PKN3: variants seen among roughly 807,000 people sequenced by gnomAD.
The protein encoded by PKN3 is serine/threonine-protein kinase N3.
In PKN3, 91 loss-of-function variants were observed where a neutral mutation model predicts 113.1. That is an observed-to-expected ratio of 0.80 (90% CI 0.68 to 0.96). The LOEUF is 0.96. Among genes scored for constraint, PKN3 ranks in the 40% least tolerant of loss-of-function variants. PKN3 has a pLI of 0.00. For synonymous variants in PKN3, 467 were observed against 499.0 expected, an observed-to-expected ratio of 0.94 and a Z score of 0.85; for missense variants, 1,052 against 1,202.2, an observed-to-expected ratio of 0.88 and a Z score of 1.85.
chr9:128,713,921 G>A, intron 9 of PKN3, 125 bp from the exon 10 acceptor site: 1 of 953,462 alleles, frequency 1.0e-6, no homozygotes, highest in Non-Finnish European at 1.7e-6. Context: ...CTGTTTCTCT[G>A]GGTCTTTCTG....
At chr9:128,703,839 C>G (rs1861927050) in intron 1 of PKN3, 3 of 985,338 alleles carry the variant, frequency 3.0e-6, no homozygotes, top group Non-Finnish European at 3.6e-6. Flanking sequence ...TCCGCCTGTT[C>G]CAGACGTAGC....
Position 128,713,066 on chromosome 9 carries a change from C to G in PKN3, c.850C>G (p.Arg284Gly). ...TCTCCCCACAGGGACACTGCAGGTC[C>G]GCCTCCTGGGCTGTGAACAGTTGCT... ...PTALTGTLQVRLLGCEQLLTA... is the reference protein window; with the variant it reads ...PTALTGTLQVGLLGCEQLLTA... The change falls in exon 7 of 22, where the codon CGC becomes GGC. Residue 284 changes from arginine (R) to glycine (G), a missense_variant. Physicochemically the swap from Arg to Gly is moderately radical, Grantham distance 125. Around this residue, in one of 2 missense-constraint regions of PKN3, gnomAD observed 719 missense variants for 759.4 expected, o/e 0.95. Transcript: ENST00000291906. 6.2e-7 allele frequency: 1 copy of G among 1,607,914 alleles called. No homozygotes were observed.
intron 6 of PKN3, among the ~76,000 whole-genome samples, chr9:128,707,957 G>A (rs1862068337): frequency 6.6e-6 from 1 of 150,788 alleles, no homozygotes; most frequent in Non-Finnish European, 1.5e-5. Flanking sequence ...CTGTAATCCT[G>A]GTTGCTCAGG....
At chr9:128,703,423 A>G (rs7868464) in intron 1 of PKN3, 981,293 of 985,356 alleles carry the variant, frequency 1, 488,734 homozygotes, top group East Asian at 1. Context: ...AGGGGAGCGT[A>G]GATGAGAGGG....
rs547686361 is a variant in PKN3, at chr9:128,712,920, T to C, written c.836-132T>C. Reference sequence around the variant, plus strand: ...AGTGAGGTTCCTCAGGTAACTGCCCTGGCCTCAGGTGGGTACGGTCTGGGT... The same window carrying C: ...AGTGAGGTTCCTCAGGTAACTGCCCCGGCCTCAGGTGGGTACGGTCTGGGT... On this transcript the variant is annotated intron_variant, in intron 6 of 21. Coordinates refer to ENST00000291906, the MANE Select transcript of PKN3 (RefSeq NM_013355.5). The C allele has an allele frequency of 4.4e-6, 4 of 914,368 alleles. No homozygotes were observed. The Admixed American group carries it at 9.6e-5, about 22-fold the overall frequency. The allele number at this position is 914,368 out of a possible 1,614,324, so 56.6% of individuals were successfully genotyped here.
intron 6 of PKN3, among the ~76,000 whole-genome samples, chr9:128,711,598 T>G (rs1490762134): frequency 1.3e-5 from 2 of 149,862 alleles, no homozygotes; most frequent in Non-Finnish European, 3.0e-5. Flanking sequence ...ACGCCCGGCC[T>G]TTTTTTTGGG....
chr9:128,703,750 C>G (rs145961190), intron 1 of PKN3: 7 of 985,310 alleles, frequency 7.1e-6, no homozygotes, highest in Non-Finnish European at 8.4e-6. Flanking sequence ...ACTCCTTGAG[C>G]GCCCAAGCCA....
chr9:128,711,718 C>T (rs374826210), intron 6 of PKN3, among the ~76,000 whole-genome samples: 1 of 151,708 alleles, frequency 6.6e-6, no homozygotes, highest in African/African-American at 2.4e-5. Context: ...CCTGCCTCAG[C>T]CTCCCAAGTA....
intron 1 of PKN3, chr9:128,703,806 C>A: frequency 1.0e-6 from 1 of 985,438 alleles, no homozygotes; most frequent in Non-Finnish European, 1.2e-6. Flanking sequence ...TGCCCCCTCC[C>A]ACCCCCTTCC....
chr9:128,708,733 C>T (rs939238674), intron 6 of PKN3, among the ~76,000 whole-genome samples: 14 of 149,314 alleles, frequency 9.4e-5, no homozygotes, highest in Non-Finnish European at 1.5e-4. Flanking sequence ...ATCCCATCTA[C>T]TGGGGAGGCT....
At chr9:128,709,958 CT>C (rs1862130921) in intron 6 of PKN3, 1 of 148,408 alleles carries the variant, frequency 6.7e-6, no homozygotes, top group South Asian at 2.2e-4. Flanking sequence ...AGACTCTGAG[CT>C]CTGTCACCCA....
At position 128,705,897 on chromosome 9, in the gene PKN3, G is replaced by A. The variant is rs1232513802; in HGVS notation, c.411+18G>A. 1 of 1,565,668 alleles carries A rather than the reference G, an allele frequency of 6.4e-7. No homozygotes were observed. Among genetic ancestry groups the A allele is most frequent in the Non-Finnish European group, 8.7e-7 (1 of 1,151,616 alleles). ...CCCCCAAGGTAAGGCCCCACAGTCT[G>A]ATGGCAGGAGCACCCTGGCCCCTGG... On this transcript the variant is annotated intron_variant, in intron 3 of 21. Coordinates refer to ENST00000291906, the MANE Select transcript of PKN3 (RefSeq NM_013355.5).
intron 3 of PKN3, 22 bp downstream of exon 3, chr9:128,705,901 G>T (rs1482230607): frequency 1.9e-6 from 3 of 1,561,010 alleles, no homozygotes; most frequent in Non-Finnish European, 1.7e-6. Context: ...CAGTCTGATG[G>T]CAGGAGCACC....
intron 10 of PKN3, 22 bp downstream of exon 10, chr9:128,714,143 T>C (rs369988731): frequency 7.4e-6 from 12 of 1,613,862 alleles, no homozygotes; most frequent in Non-Finnish European, 8.5e-6. Context: ...ATGGGGGCTA[T>C]GTGTGAGGGA....
chr9:128,714,170 G>C (rs202174026), intron 10 of PKN3, 27 bp from the exon 11 acceptor site: 223 of 1,614,028 alleles, frequency 1.4e-4, no homozygotes, highest in Non-Finnish European at 1.8e-4. Context: ...CTGGGGTCCC[G>C]GGACTAAGCT....
At chr9:128,718,967 C>G (rs1406753730) in intron 18 of PKN3, among the ~76,000 whole-genome samples, 1 of 149,946 alleles carries the variant, frequency 6.7e-6, no homozygotes, top group African/African-American at 2.4e-5. Flanking sequence ...GCAGTCTCGG[C>G]TCACTGCAGC....
Position 128,715,168 on chromosome 9 carries a change from G to T in PKN3, c.1653-4G>T, listed in dbSNP as rs750697317. On this transcript the variant is annotated splice_region_variant and splice_polypyrimidine_tract_variant and intron_variant, in intron 13 of 21. Transcript: ENST00000291906. The surrounding 1 kb of genome is among the most constrained non-coding windows in gnomAD (Gnocchi z 4.1). ...GACTTCATATACCCTCTCTTCCTTT[G>T]CAGGAAACCCCCTCGGCTTCAGGAC... The T allele has an allele frequency of 6.2e-7, 1 of 1,613,840 alleles. No individual in the cohort carries two copies. Among genetic ancestry groups the T allele is most frequent in the Non-Finnish European group, 8.5e-7 (1 of 1,179,850 alleles).
At chr9:128,712,491 A>T (rs1056620688) in intron 6 of PKN3, among the ~76,000 whole-genome samples, 1 of 152,118 alleles carries the variant, frequency 6.6e-6, no homozygotes, top group Non-Finnish European at 1.5e-5. Flanking sequence ...AGATGGGGAA[A>T]CTGAGGCCCA....
rs1358925726 is a variant in PKN3, at chr9:128,705,413, A to G, written c.135A>G (p.Thr45=). ...EGVENLRRVA[T]DRRHLGHVQQ... is the part of the protein sequence containing the mutation. ...TGGAGAACCTGCGGCGCGTGGCCAC[A>G]GACCGCCGCCACTTGGGCCATGTGC... is the stretch of plus-strand genomic sequence containing the variant. Residue 45 remains threonine (T), a synonymous_variant, in exon 2 of 22, where the codon ACA becomes ACG. Coordinates refer to ENST00000291906, the MANE Select transcript of PKN3 (RefSeq NM_013355.5). 1 of 1,596,520 alleles carries G rather than the reference A, an allele frequency of 6.3e-7. No homozygotes were observed. The highest frequency in any genetic ancestry group is 8.5e-7 in the Non-Finnish European group (1 of 1,172,096).
Sources: allele counts gnomAD v4.1 joint callset (sites outside exome capture counted in the v4.1 genomes callset), GRCh38; gene constraint gnomAD v4.1.1; regional missense constraint gnomAD v4.1.1; non-coding constraint Gnocchi (gnomAD v3.1); transcripts MANE v1.5; gene names NCBI Gene and HGNC (gene_info 2026-07-23, HGNC 2026-07-21).